Variants in PPFIA3 observed in about 807,000 individuals in gnomAD.
PPFIA3 encodes the protein PPFI scaffold protein A3.
Under a neutral mutation model 145.8 loss-of-function variants are expected in PPFIA3, and 26 were observed. The ratio of observed to expected loss-of-function variants is 0.18; its 90% confidence interval spans 0.13 to 0.25. The LOEUF (loss-of-function observed/expected upper bound fraction) is 0.25. Ranked by LOEUF, PPFIA3 falls within the 10% of genes least tolerant of loss-of-function variation. The probability of loss-of-function intolerance (pLI) is 1.00; values close to 1 mark genes in which losing one functional copy is unlikely to be tolerated. For synonymous variants in PPFIA3, 645 were observed against 661.4 expected (o/e 0.98, Z 0.38); for missense variants, 1,008 against 1,587.8 (o/e 0.63, Z 6.21).
rs1374395945 is a variant in PPFIA3, at chr19:49,149,481, T to C, written c.3355-66T>C. The C allele has an allele frequency of 2.5e-6, 4 of 1,600,886 alleles. No individual in the cohort carries two copies. The highest frequency in any genetic ancestry group is 1.1e-5 in the South Asian group (1 of 90,336). ...AGGTGAGACCCGGAGAGGGGTGGAG[T>C]CAAAGGAAGGGGCGGAGTCAGACAA... On this transcript the variant is annotated intron_variant, in intron 27 of 29. Coordinates refer to ENST00000334186, the MANE Select transcript of PPFIA3 (RefSeq NM_003660.4). This position sits in a 1 kb window ranked among gnomAD's most constrained non-coding sequence, Gnocchi z 5.7.
At position 49,149,690 on chromosome 19, in the gene PPFIA3, G is replaced by T. The variant is rs377391198; in HGVS notation, c.3498G>T (p.Gly1166=). ...SAAAGALGSP[G]LPLRKLQPEG... ...CAGCGGGAGCCCTGGGCTCTCCGGG[G>T]CTCCCTCTCCGCAAGCTGCAGCCAG... The change falls in exon 28 of 30, where the codon GGG becomes GGT. Residue 1166 remains glycine (G), a synonymous_variant. Transcript: ENST00000334186. The surrounding 1 kb of genome is among the most constrained non-coding windows in gnomAD (Gnocchi z 5.7). 3.7e-6 allele frequency: 6 copies of T among 1,612,336 alleles called. No homozygotes were observed. The highest frequency in any genetic ancestry group is 3.4e-6 in the Non-Finnish European group (4 of 1,179,172).
In PPFIA3 at chr19:49,149,436, G is replaced by A. The variant is rs963867807; in HGVS notation, c.3354+111G>A. On this transcript the variant is annotated intron_variant, in intron 27 of 29. Transcript: ENST00000334186. This position sits in a 1 kb window ranked among gnomAD's most constrained non-coding sequence, Gnocchi z 5.7. ...GTCACGGTTGGAGGCGGGGCCAGGA[G>A]AGGGGCGGGGTTAAAGGAGAGGTGA... 2.5e-6 allele frequency: 4 copies of A among 1,584,086 alleles called. No homozygotes were observed. The highest frequency in any genetic ancestry group is 3.5e-6 in the Non-Finnish European group (4 of 1,155,196).
chr19:49,145,591 C>CA (rs1175857467), intron 21 of PPFIA3: 6 of 303,782 alleles, frequency 2.0e-5, no homozygotes, highest in African/African-American at 1.1e-4. Context: ...TGAACCCCCC[C>CA]CGCCATACTC....
At chr19:49,124,580 G>A (rs1406136245) in intron 1 of PPFIA3, among the ~76,000 whole-genome samples, 1 of 152,116 alleles carries the variant, frequency 6.6e-6, no homozygotes, top group African/African-American at 2.4e-5. Flanking sequence ...GCCTATGAGC[G>A]GTTCTTACCC....
Position 49,133,901 on chromosome 19 carries a change from C to T in PPFIA3, c.1245+22C>T, listed in dbSNP as rs1304372846. The T allele has an allele frequency of 2.5e-6, 4 of 1,611,256 alleles. No individual in the cohort carries two copies. In the African/African-American group the frequency reaches 5.4e-5, roughly 22 times the overall value. ...GCGGGTGAGGGGGCGGAAGACTGCACAGAGGGTGGGGCTTCGAGGCTGGGG... is the reference window on the plus strand; with the variant it reads ...GCGGGTGAGGGGGCGGAAGACTGCATAGAGGGTGGGGCTTCGAGGCTGGGG... On this transcript the variant is annotated intron_variant, in intron 10 of 29. Transcript: ENST00000334186. The surrounding 1 kb of genome is among the most constrained non-coding windows in gnomAD (Gnocchi z 7.2).
chr19:49,130,669 C>A lies in PPFIA3; in HGVS notation c.879+70C>A. 7.5e-7 allele frequency: 1 copy of A among 1,340,006 alleles called. No homozygotes were observed. The highest frequency in any genetic ancestry group is 1.0e-6 in the Non-Finnish European group (1 of 982,864). The allele number at this position is 1,340,006 out of a possible 1,614,324, so 83.0% of individuals were successfully genotyped here. On this transcript the variant is annotated intron_variant, in intron 7 of 29. Transcript: ENST00000334186. The surrounding 1 kb of genome is among the most constrained non-coding windows in gnomAD (Gnocchi z 4.5). Reference sequence around the variant, plus strand: ...CCGTAGAGCTCTCCCTCGCGCATTGCTCATGAATGGCGGAACCTCGATTCA... The same window carrying A: ...CCGTAGAGCTCTCCCTCGCGCATTGATCATGAATGGCGGAACCTCGATTCA...
At chr19:49,137,022 A>T in intron 15 of PPFIA3, 111 bp downstream of exon 15, 1 of 1,073,578 alleles carries the variant, frequency 9.3e-7, no homozygotes, top group Admixed American at 3.1e-5. Flanking sequence ...CACCATCCAC[A>T]AGGAATTCTT....
Position 49,130,663 on chromosome 19 carries a change from G to A in PPFIA3, c.879+64G>A. 7.2e-7 allele frequency: 1 copy of A among 1,393,708 alleles called. No individual in the cohort carries two copies. The highest frequency in any genetic ancestry group is 1.3e-5 in the South Asian group (1 of 76,724). The allele number at this position is 1,393,708 out of a possible 1,614,324, so 86.3% of individuals were successfully genotyped here. On this transcript the variant is annotated intron_variant, in intron 7 of 29. Coordinates refer to ENST00000334186, the MANE Select transcript of PPFIA3 (RefSeq NM_003660.4). The surrounding 1 kb of genome is among the most constrained non-coding windows in gnomAD (Gnocchi z 4.5). ...GCCTTTCCGTAGAGCTCTCCCTCGCGCATTGCTCATGAATGGCGGAACCTC... is the reference window on the plus strand; with the variant it reads ...GCCTTTCCGTAGAGCTCTCCCTCGCACATTGCTCATGAATGGCGGAACCTC...
In PPFIA3 at chr19:49,150,990, A is replaced by T; in HGVS notation, c.*768A>T. On this transcript the variant is annotated 3_prime_UTR_variant, in exon 30 of 30. Transcript: ENST00000334186. ...GGTCGGCCTCCCCGCCCCAGGCGTC[A>T]CTCAGTGATCACGGGTAAAGAGAAC... 3.8e-6 allele frequency: 1 copy of T among 265,726 alleles called. No homozygotes were observed. Among genetic ancestry groups the T allele is most frequent in the East Asian group, 6.2e-5 (1 of 16,212 alleles). The allele number at this position is 265,726 out of a possible 1,614,324, so 16.5% of individuals were successfully genotyped here. A position where few individuals can be genotyped will look rare whatever the true frequency, so the allele number is the denominator to read the frequency against.
chr19:49,129,548 A>T (rs908220178), intron 5 of PPFIA3, 94 bp downstream of exon 5: 17 of 1,338,116 alleles, frequency 1.3e-5, no homozygotes, highest in Non-Finnish European at 1.7e-5. Flanking sequence ...TTCCAGAGAG[A>T]ATCTATTGGG....
At chr19:49,134,505 G>C in intron 11 of PPFIA3, 134 bp from the exon 12 acceptor site, 1 of 859,216 alleles carries the variant, frequency 1.2e-6, no homozygotes, top group Non-Finnish European at 1.9e-6. Flanking sequence ...CTGCTCCCCC[G>C]AAACTCACCA....
At position 49,149,348 on chromosome 19, in the gene PPFIA3, G is replaced by C. The variant is rs776934365; in HGVS notation, c.3354+23G>C. 1.2e-6 allele frequency: 2 copies of C among 1,613,360 alleles called. No individual in the cohort carries two copies. The highest frequency in any genetic ancestry group is 1.7e-6 in the Non-Finnish European group (2 of 1,179,536). ...GAGGTGGGCGCGGCAACAGCTCAGA[G>C]GGCTCTGCTCCCAGCGGCTCCTCGA... On this transcript the variant is annotated intron_variant, in intron 27 of 29. Transcript: ENST00000334186. The surrounding 1 kb of genome is among the most constrained non-coding windows in gnomAD (Gnocchi z 5.7).
At chr19:49,143,212 CCTGA>C (rs2041244563) in intron 21 of PPFIA3, among the ~76,000 whole-genome samples, 1 of 152,152 alleles carries the variant, frequency 6.6e-6, no homozygotes, top group Admixed American at 6.5e-5. Flanking sequence ...CACCTCCTTC[CCTGA>C]CTCTCTCCCT....
At chr19:49,132,245 C>T (rs370121724) in intron 7 of PPFIA3, among the ~76,000 whole-genome samples, 1 of 151,422 alleles carries the variant, frequency 6.6e-6, no homozygotes, top group South Asian at 2.1e-4. Flanking sequence ...AAAAATTAGC[C>T]AGGCATGGCA....
rs112961847 is a variant in PPFIA3 at position 49,141,583 on chromosome 19, C to CGTGTGTGTGGGTGTGTGTGTGCGTGT, written c.2462+74_2462+75insGTGTGGGTGTGTGTGTGCGTGTGTGT. Reference sequence around the variant, plus strand: ...GAGAGTGTGTGAGGGTGTGTGTGTGCGTGTATGTGTGTGTATGAGTGTGTG... The same window carrying CGTGTGTGTGGGTGTGTGTGTGCGTGT: ...GAGAGTGTGTGAGGGTGTGTGTGTGCGTGTGTGTGGGTGTGTGTGTGCGTGTGTGTATGTGTGTGTATGAGTGTGTG... On this transcript the variant is annotated intron_variant, in intron 19 of 29. Transcript: ENST00000334186. 611 of 1,219,112 alleles carry CGTGTGTGTGGGTGTGTGTGTGCGTGT rather than the reference C, an allele frequency of 5.0e-4. 4 individuals carry two copies. In the African/African-American group the frequency reaches 8.1e-3, roughly 16 times the overall value. 75.5% of individuals were successfully genotyped at this position (1,219,112 alleles called of 1,614,324 possible). A position where few individuals can be genotyped will look rare whatever the true frequency, so the allele number is the denominator to read the frequency against.
At chr19:49,132,417 A>AAG (rs1555743126) in intron 7 of PPFIA3, among the ~76,000 whole-genome samples, 23 of 149,284 alleles carry the variant, frequency 1.5e-4, no homozygotes, top group African/African-American at 5.8e-4. Context: ...AAAAAAAAAA[A>AAG]AAAGAAAGAG....
At chr19:49,148,825 G>T in intron 25 of PPFIA3, 62 bp downstream of exon 25, 1 of 1,554,486 alleles carries the variant, frequency 6.4e-7, no homozygotes, top group Non-Finnish European at 8.9e-7. Context: ...GGATGGGGAG[G>T]AGAGGGGGTA....
intron 1 of PPFIA3, among the ~76,000 whole-genome samples, chr19:49,126,085 G>C (rs2040994714): frequency 6.6e-6 from 1 of 151,924 alleles, no homozygotes; most frequent in African/African-American, 2.4e-5. Flanking sequence ...CGAGTAGCTG[G>C]GACTACAGGT....
chr19:49,146,128 C>T (rs2041277762), intron 22 of PPFIA3, 38 bp from the exon 23 acceptor site: 2 of 1,613,886 alleles, frequency 1.2e-6, no homozygotes, highest in Non-Finnish European at 8.5e-7. Context: ...TGCCCCTTAA[C>T]TCACCCCTTC....
Sources: allele counts gnomAD v4.1 joint callset (sites outside exome capture counted in the v4.1 genomes callset), GRCh38; gene constraint gnomAD v4.1.1; non-coding constraint Gnocchi (gnomAD v3.1); transcripts MANE v1.5; gene names NCBI Gene and HGNC (gene_info 2026-07-23, HGNC 2026-07-21).